Variants in METAP1D observed in about 807,000 individuals in gnomAD.
METAP1D encodes methionine aminopeptidase 1D, mitochondrial.
METAP1D carries 31 observed loss-of-function variants against 40.5 expected under a neutral mutation model. The ratio of observed to expected loss-of-function variants is 0.77; its 90% CI spans 0.58 to 1.03. The LOEUF (loss-of-function observed/expected upper bound fraction) is 1.03, where lower values mean the gene tolerates loss of function less well. Ranked by LOEUF, METAP1D falls within the 50% of genes least tolerant of loss-of-function variation. METAP1D has a pLI of 0.00. For missense variants in METAP1D, 411 were observed against 420.7 expected (o/e 0.98, Z 0.20); for synonymous variants, 151 against 146.4 (o/e 1.03, Z -0.22).
At chr2:172,061,944 G>A (rs1690151897) in intron 2 of METAP1D, 6 of 195,566 alleles carry the variant, frequency 3.1e-5, no homozygotes, top group South Asian at 1.9e-4. Context: ...AAAACTATAC[G>A]TATGTAGTTT....
chr2:172,056,946 A>T (rs912181819), intron 1 of METAP1D, among the ~76,000 whole-genome samples: 2 of 151,948 alleles, frequency 1.3e-5, no homozygotes, highest in Non-Finnish European at 2.9e-5. Flanking sequence ...AACTAGTTAC[A>T]TGATATTTAC....
chr2:172,045,994 AT>A (rs1470888866), intron 1 of METAP1D, among the ~76,000 whole-genome samples: 3 of 114,254 alleles, frequency 2.6e-5, no homozygotes, highest in Non-Finnish European at 3.7e-5. Flanking sequence ...CCCAAATTTT[AT>A]TTTTTTTTTC....
At chr2:172,067,388 A>G (rs989023908) in intron 5 of METAP1D, among the ~76,000 whole-genome samples, 1 of 152,176 alleles carries the variant, frequency 6.6e-6, no homozygotes, top group African/African-American at 2.4e-5. Context: ...TTTTCTTCAT[A>G]TCAATCATAT....
chr2:172,076,453 A>G (rs553432436), intron 6 of METAP1D, among the ~76,000 whole-genome samples: 16 of 152,370 alleles, frequency 1.1e-4, no homozygotes, highest in African/African-American at 3.1e-4. Flanking sequence ...ACCAAATAGA[A>G]ATACTTGCCC....
At chr2:172,053,759 T>C (rs1274914404) in intron 1 of METAP1D, among the ~76,000 whole-genome samples, 1 of 152,208 alleles carries the variant, frequency 6.6e-6, no homozygotes, top group East Asian at 1.9e-4. Flanking sequence ...TAATGTAAAG[T>C]AGTGCCAAGC....
At chr2:172,028,973 G>A (rs767522806) in intron 1 of METAP1D, among the ~76,000 whole-genome samples, 1 of 152,110 alleles carries the variant, frequency 6.6e-6, no homozygotes, top group Non-Finnish European at 1.5e-5. Flanking sequence ...AAATATAGCA[G>A]AGACTGAACA....
In METAP1D at chr2:172,002,209, C is replaced by CA. The variant is rs368371604; in HGVS notation, c.40+2210dup. Among the ~76,000 whole-genome samples, 1,105 of 125,904 alleles carry CA rather than the reference C, an allele frequency of 8.8e-3. 11 individuals are homozygous for CA. The highest frequency in any genetic ancestry group is 0.021 in the African/African-American group (697 of 33,978). 82.6% of individuals were successfully genotyped at this position (125,904 alleles called of 152,430 possible). A position where few individuals can be genotyped will look rare whatever the true frequency, so the allele number is the denominator to read the frequency against. On this transcript the variant is annotated intron_variant, in intron 1 of 9. Coordinates refer to ENST00000315796, the MANE Select transcript of METAP1D (RefSeq NM_199227.3). ...GAGATAGTCAATGTAGAGGAGGAGC[C>CA]AAAAAAAAAACAACCTGAAAACATA...
chr2:172,045,789 ATG>A (rs1689734096), intron 1 of METAP1D, among the ~76,000 whole-genome samples: 1 of 80,100 alleles, frequency 1.2e-5, no homozygotes, highest in Admixed American at 1.7e-4. Flanking sequence ...GTGTATGTAT[ATG>A]TATATATGTG....
At position 172,037,066 on chromosome 2, in the gene METAP1D, C is replaced by A. The variant is rs573640483; in HGVS notation, c.41-24432C>A. The stretch of plus-strand genomic sequence containing the variant: ...CTTGAGGTCGGGAGTTCAAGACCAG[C>A]CTGACCAACATGGAGAAACCCTGTC... On this transcript the variant is annotated intron_variant, in intron 1 of 9. Transcript: ENST00000315796. Among the ~76,000 whole-genome samples, 3 of 152,210 alleles carry A rather than the reference C, an allele frequency of 2.0e-5. No individual in the cohort carries two copies. The South Asian group carries it at 6.2e-4, about 32-fold the overall frequency.
At position 172,043,041 on chromosome 2, in the gene METAP1D, ACG is replaced by A. The variant is rs1317449645; in HGVS notation, c.41-18456_41-18455del. On this transcript the variant is annotated intron_variant, in intron 1 of 9. Transcript: ENST00000315796. Reference sequence around the variant, plus strand: ...TACACATATATGTGTATATGTGTACACGTGTACACATATATGTGTATATATAT... The same window carrying A: ...TACACATATATGTGTATATGTGTACATGTACACATATATGTGTATATATAT... Among the ~76,000 whole-genome samples, 5 of 116,118 alleles carry A rather than the reference ACG, an allele frequency of 4.3e-5. 1 individual carries two copies. The East Asian group carries it at 1.4e-3, about 32-fold the overall frequency. 76.2% of individuals were successfully genotyped at this position (116,118 alleles called of 152,430 possible).
At chr2:172,064,256 C>G (rs1300907212) in intron 3 of METAP1D, 1 of 160,532 alleles carries the variant, frequency 6.2e-6, no homozygotes, top group Non-Finnish European at 1.3e-5. Flanking sequence ...TCCTTTGTCT[C>G]CTATTTTCTT....
rs34486471 is a variant in METAP1D, at chr2:172,036,319, G to GAA, written c.41-25167_41-25166dup. Among the ~76,000 whole-genome samples the GAA allele has an allele frequency of 4.1e-3, 549 of 132,502 alleles. 2 individuals are homozygous for GAA. The highest frequency in any genetic ancestry group is 0.016 in the South Asian group (67 of 4,074). The allele number at this position is 132,502 out of a possible 152,430, so 86.9% of individuals were successfully genotyped here. A position where few individuals can be genotyped will look rare whatever the true frequency, so the allele number is the denominator to read the frequency against. ...GCGACAGAGCGAGACTCTGTCTCAAGAAAAAAAAAAAAAGAATTTACTGTA... is the reference window on the plus strand; with the variant it reads ...GCGACAGAGCGAGACTCTGTCTCAAGAAAAAAAAAAAAAAAGAATTTACTGTA... On this transcript the variant is annotated intron_variant, in intron 1 of 9. Coordinates refer to ENST00000315796, the MANE Select transcript of METAP1D (RefSeq NM_199227.3).
At chr2:172,010,521 T>G (rs1210837893) in intron 1 of METAP1D, among the ~76,000 whole-genome samples, 1 of 114,864 alleles carries the variant, frequency 8.7e-6, no homozygotes, top group South Asian at 3.5e-4. Flanking sequence ...TTTAACAGAA[T>G]CTCACTCTGT....
At chr2:172,043,397 G>A (rs991392623) in intron 1 of METAP1D, among the ~76,000 whole-genome samples, 1 of 133,208 alleles carries the variant, frequency 7.5e-6, no homozygotes, top group African/African-American at 2.5e-5. Context: ...AGAGGGGTGA[G>A]TTGGCAGTGA....
intron 1 of METAP1D, among the ~76,000 whole-genome samples, chr2:172,023,335 A>G (rs1689048431): frequency 6.6e-6 from 1 of 152,228 alleles, no homozygotes; most frequent in African/African-American, 2.4e-5. Flanking sequence ...TCGTTTTCAT[A>G]TCATGTTAAT....
intron 7 of METAP1D, 53 bp downstream of exon 7, chr2:172,077,947 G>A: frequency 2.0e-6 from 2 of 987,664 alleles, no homozygotes; most frequent in Non-Finnish European, 3.2e-6. Flanking sequence ...AGATGTGGCA[G>A]CTTTGACCCT....
intron 1 of METAP1D, among the ~76,000 whole-genome samples, chr2:172,061,173 C>T (rs546579015): frequency 2.6e-4 from 40 of 152,314 alleles, no homozygotes; most frequent in African/African-American, 9.6e-4. Flanking sequence ...TCGTCTTGGA[C>T]ATTGCCACAT....
chr2:172,015,472 C>T (rs1385437045), intron 1 of METAP1D, among the ~76,000 whole-genome samples: 1 of 152,102 alleles, frequency 6.6e-6, no homozygotes, highest in Admixed American at 6.6e-5. Flanking sequence ...ATGTTTATTA[C>T]AGTGTCGCTT....
At chr2:172,045,077 G>T (rs1225640968) in intron 1 of METAP1D, among the ~76,000 whole-genome samples, 1 of 134,256 alleles carries the variant, frequency 7.4e-6, no homozygotes, top group Non-Finnish European at 1.7e-5. Context: ...ACATTAAACT[G>T]TTGGTAAAGG....
Sources: gnomAD v4.1 joint callset for allele counts (sites outside exome capture counted in the v4.1 genomes callset) on GRCh38, gnomAD v4.1.1 for gene constraint, MANE v1.5 for transcripts, NCBI Gene and HGNC (gene_info 2026-07-23, HGNC 2026-07-21) for gene names.